SDK1: variants seen among roughly 807,000 people sequenced by gnomAD.
The protein encoded by SDK1 is protein sidekick-1.
A neutral mutation model predicts 245.5 loss-of-function variants in SDK1; 157 were observed. That is an observed-to-expected ratio of 0.64 (90% CI 0.56 to 0.73). The LOEUF (loss-of-function observed/expected upper bound fraction) is 0.73, where lower values mean the gene tolerates loss of function less well. Among genes scored for constraint, SDK1 ranks in the 30% least tolerant of loss-of-function variants. SDK1 has a pLI of 0.00. For missense variants in SDK1, 3,583 were observed against 3,002.3 expected, an observed-to-expected ratio of 1.19 and a Z score of -4.52; for synonymous variants, 1,647 against 1,278.5, an observed-to-expected ratio of 1.29 and a Z score of -6.15.
At chr7:3,365,046 A>C (rs534056501) in intron 1 of SDK1, among the ~76,000 whole-genome samples, 2 of 152,292 alleles carry the variant, frequency 1.3e-5, no homozygotes, top group Non-Finnish European at 2.9e-5. Context: ...ATTGTATTTT[A>C]AATTTTGGTG....
At chr7:3,382,989 A>G (rs1008939908) in intron 1 of SDK1, among the ~76,000 whole-genome samples, 1 of 152,210 alleles carries the variant, frequency 6.6e-6, no homozygotes, top group African/African-American at 2.4e-5. Context: ...TCCCCAACTT[A>G]TGAATACCAT....
At chr7:4,065,661 C>A (rs1239031083) in intron 19 of SDK1, among the ~76,000 whole-genome samples, 1 of 97,272 alleles carries the variant, frequency 1.0e-5, no homozygotes. Flanking sequence ...TGTGAAAAGT[C>A]TTTTCAAAGT....
intron 26 of SDK1, chr7:4,129,539 A>G (rs1476987001): frequency 1.9e-6 from 1 of 526,806 alleles, no homozygotes; most frequent in Non-Finnish European, 2.6e-6. Flanking sequence ...TGGAAAACCC[A>G]GGGGGCTGCT....
At chr7:3,486,093 T>C (rs1464357004) in intron 1 of SDK1, among the ~76,000 whole-genome samples, 3 of 151,940 alleles carry the variant, frequency 2.0e-5, no homozygotes, top group Non-Finnish European at 4.4e-5. Context: ...TTTTCCCCCC[T>C]GAGTTAAATT....
chr7:3,860,568 A>C (rs1310064772), intron 5 of SDK1, among the ~76,000 whole-genome samples: 1 of 152,218 alleles, frequency 6.6e-6, no homozygotes, highest in Non-Finnish European at 1.5e-5. Context: ...TGTGTAAATT[A>C]ATACAGCCAT....
chr7:4,113,485 T>A (rs1783488459), intron 24 of SDK1, 46 bp downstream of exon 24: 1 of 1,603,512 alleles, frequency 6.2e-7, no homozygotes. Context: ...GGGTCCTGAG[T>A]GAGCCAGGGC....
intron 14 of SDK1, among the ~76,000 whole-genome samples, chr7:3,989,297 T>A (rs1483264407): frequency 6.6e-6 from 1 of 152,160 alleles, no homozygotes; most frequent in Admixed American, 6.5e-5. Context: ...AAAACTCCCC[T>A]TGTACTAACC....
chr7:4,056,282 G>A (rs539412894), intron 19 of SDK1, among the ~76,000 whole-genome samples: 33 of 152,170 alleles, frequency 2.2e-4, no homozygotes, highest in Non-Finnish European at 4.1e-4. Context: ...TGAAGGTAGG[G>A]TTGAAGTCAC....
At chr7:4,209,004 C>T (rs547382269) in intron 37 of SDK1, among the ~76,000 whole-genome samples, 23 of 152,284 alleles carry the variant, frequency 1.5e-4, no homozygotes, top group African/African-American at 4.6e-4. Flanking sequence ...GTCTGGGAAC[C>T]GTGGGCAGAG....
chr7:3,664,569 T>A (rs749991730), intron 4 of SDK1, among the ~76,000 whole-genome samples: 2 of 151,894 alleles, frequency 1.3e-5, no homozygotes, highest in Non-Finnish European at 2.9e-5. Context: ...TGAAACCATG[T>A]CTTCTACTAA....
intron 5 of SDK1, among the ~76,000 whole-genome samples, chr7:3,901,513 C>T (rs1781789687): frequency 1.3e-5 from 2 of 152,192 alleles, no homozygotes; most frequent in African/African-American, 2.4e-5. Flanking sequence ...TGTCAGTGCA[C>T]CACATCAGAG....
chr7:4,196,089 T>C (rs1783560821), intron 35 of SDK1, among the ~76,000 whole-genome samples: 1 of 152,198 alleles, frequency 6.6e-6, no homozygotes, highest in African/African-American at 2.4e-5. Context: ...TGTCCAAGCC[T>C]AGAGAAGCAG....
chr7:3,683,508 G>C (rs1028723727), intron 4 of SDK1, among the ~76,000 whole-genome samples: 1 of 152,162 alleles, frequency 6.6e-6, no homozygotes, highest in East Asian at 1.9e-4. Context: ...CACTTCATGA[G>C]GACAAGAAAC....
chr7:3,823,840 A>G (rs767700177), intron 5 of SDK1, among the ~76,000 whole-genome samples: 127 of 152,322 alleles, frequency 8.3e-4, no homozygotes, highest in Middle Eastern at 3.4e-3. Context: ...TGGGAGAAGT[A>G]AGGAGATTGA....
intron 10 of SDK1, among the ~76,000 whole-genome samples, chr7:3,967,994 G>A (rs546103852): frequency 6.6e-6 from 1 of 152,356 alleles, no homozygotes; most frequent in Admixed American, 6.5e-5. Context: ...GAGAAGGATT[G>A]TGCAAATGTC....
chr7:3,346,727 A>C (rs1443452147), intron 1 of SDK1, among the ~76,000 whole-genome samples: 1 of 90,364 alleles, frequency 1.1e-5, no homozygotes, highest in Non-Finnish European at 2.2e-5. Context: ...ATATGTATAC[A>C]TATATATATA....
rs116199475 is a variant in SDK1 at position 3,588,620 on chromosome 7, G to T, written c.299-30460G>T. ...TTCAGTCAGTGGCTTAATGTTAAGT[G>T]TGAGAAAGATGTTGGAAAAGATTTA... On this transcript the variant is annotated intron_variant, in intron 1 of 44. Coordinates refer to ENST00000404826, the MANE Select transcript of SDK1 (RefSeq NM_152744.4). 3.3e-3 allele frequency among the ~76,000 whole-genome samples: 506 copies of T among 152,334 alleles called. 3 individuals are homozygous for T. Among genetic ancestry groups the T allele is most frequent in the African/African-American group, 0.011 (477 of 41,564 alleles).
At chr7:4,171,040 C>T (rs746199794) in intron 32 of SDK1, among the ~76,000 whole-genome samples, 6 of 152,226 alleles carry the variant, frequency 3.9e-5, no homozygotes, top group Non-Finnish European at 8.8e-5. Context: ...CAGCTTTCAG[C>T]TTCCCAAACT....
chr7:3,868,624 T>C (rs909545475), intron 5 of SDK1, among the ~76,000 whole-genome samples: 2 of 152,230 alleles, frequency 1.3e-5, no homozygotes, highest in Non-Finnish European at 2.9e-5. Context: ...CACAATAATG[T>C]ATTACTATTT....
Sources: allele counts gnomAD v4.1 joint callset (sites outside exome capture counted in the v4.1 genomes callset), GRCh38; gene constraint gnomAD v4.1.1; transcripts MANE v1.5; gene names NCBI Gene and HGNC (gene_info 2026-07-23, HGNC 2026-07-21).